WWOX: variants seen among roughly 807,000 people sequenced by gnomAD.
WWOX encodes WW domain containing oxidoreductase, also known as WW domain-containing oxidoreductase.
WWOX carries 69 observed loss-of-function variants against 46.2 expected under a neutral mutation model. That is an observed-to-expected ratio of 1.49 (90% CI 1.23 to 1.82). WWOX has a LOEUF of 1.82. WWOX is among the 40% of genes most tolerant of loss of function. WWOX has a pLI of 0.00. For missense variants in WWOX, 919 were observed against 542.6 expected (o/e 1.69, Z -6.89); for synonymous variants, 359 against 202.6 (o/e 1.77, Z -6.56).
intron 8 of WWOX, among the ~76,000 whole-genome samples, chr16:78,686,629 T>C (rs923181506): frequency 1.3e-4 from 20 of 152,136 alleles, no homozygotes; most frequent in African/African-American, 4.8e-4. Context: ...GGAACTCCTG[T>C]TTTAATTTGT....
chr16:78,131,472 C>A (rs9922778), intron 4 of WWOX, among the ~76,000 whole-genome samples: 71,489 of 151,828 alleles, frequency 0.47, 16,858 homozygotes, highest in African/African-American at 0.52. Flanking sequence ...GCCTCAGCCT[C>A]CCAAAGTACT....
At chr16:79,051,591 C>G (rs1424251007) in intron 8 of WWOX, among the ~76,000 whole-genome samples, 1 of 152,114 alleles carries the variant, frequency 6.6e-6, no homozygotes, top group East Asian at 1.9e-4. Context: ...GAGGGAGCGT[C>G]AACATTAGTG....
chr16:79,103,054 TG>T (rs1467121316), intron 8 of WWOX, among the ~76,000 whole-genome samples: 1 of 151,902 alleles, frequency 6.6e-6, no homozygotes, highest in Non-Finnish European at 1.5e-5. Flanking sequence ...CTTCTTGCTT[TG>T]GGCAAGTTCT....
At chr16:78,790,506 A>G (rs2050567694) in intron 8 of WWOX, among the ~76,000 whole-genome samples, 1 of 152,194 alleles carries the variant, frequency 6.6e-6, no homozygotes, top group South Asian at 2.1e-4. Flanking sequence ...GTCTACCTAC[A>G]ACTTTAAGAG....
chr16:79,152,335 G>C (rs758047202), intron 8 of WWOX, among the ~76,000 whole-genome samples: 13 of 152,254 alleles, frequency 8.5e-5, no homozygotes, highest in Non-Finnish European at 1.5e-4. Context: ...AGTGGAAGAG[G>C]AGTCTGGGGT....
At chr16:78,826,914 A>T (rs933862224) in intron 8 of WWOX, among the ~76,000 whole-genome samples, 14 of 152,122 alleles carry the variant, frequency 9.2e-5, no homozygotes, top group African/African-American at 3.1e-4. Context: ...CATTGATCAC[A>T]CACTACATGC....
At chr16:78,152,152 T>C (rs1037893484) in intron 4 of WWOX, among the ~76,000 whole-genome samples, 7 of 150,482 alleles carry the variant, frequency 4.7e-5, no homozygotes, top group Admixed American at 2.7e-4. Context: ...ATCGCGCCAC[T>C]GCACTCCAGC....
At chr16:78,773,939 G>C (rs2050126411) in intron 8 of WWOX, among the ~76,000 whole-genome samples, 1 of 152,152 alleles carries the variant, frequency 6.6e-6, no homozygotes, top group Non-Finnish European at 1.5e-5. Flanking sequence ...GGCCCTTCAT[G>C]GAATTTGAAA....
intron 8 of WWOX, among the ~76,000 whole-genome samples, chr16:78,576,038 C>G (rs927976576): frequency 1.3e-5 from 2 of 151,798 alleles, no homozygotes; most frequent in African/African-American, 2.4e-5. Flanking sequence ...TTTTTTTAAT[C>G]TAGAATATAT....
chr16:79,011,956 T>C (rs1267786197), intron 8 of WWOX, among the ~76,000 whole-genome samples: 1 of 152,230 alleles, frequency 6.6e-6, no homozygotes, highest in Non-Finnish European at 1.5e-5. Context: ...GCCTGGCCTC[T>C]GTCAACTTCC....
In WWOX at chr16:79,047,884, G is replaced by T. The variant is rs189960566; in HGVS notation, c.1057-163724G>T. ...AGAAATCTGACAACTCATTGATTCA[G>T]ATTCACAGACTCTGCATTTTGAACC... is the stretch of plus-strand genomic sequence containing the variant. On this transcript the variant is annotated intron_variant, in intron 8 of 8. Transcript: ENST00000566780. 1.6e-4 allele frequency among the ~76,000 whole-genome samples: 24 copies of T among 151,376 alleles called. No individual in the cohort carries two copies. In the East Asian group the frequency reaches 3.7e-3, roughly 23 times the overall value.
chr16:78,266,697 G>C (rs1175993512), intron 5 of WWOX, among the ~76,000 whole-genome samples: 1 of 151,884 alleles, frequency 6.6e-6, no homozygotes, highest in African/African-American at 2.4e-5. Context: ...GGGTTGTATG[G>C]AATGAACCAA....
At chr16:78,367,469 C>T (rs2081564500) in intron 5 of WWOX, among the ~76,000 whole-genome samples, 1 of 151,992 alleles carries the variant, frequency 6.6e-6, no homozygotes, top group African/African-American at 2.4e-5. Flanking sequence ...ATTTTATGCA[C>T]AGCCCAAGAT....
At chr16:78,756,153 C>G (rs545173065) in intron 8 of WWOX, among the ~76,000 whole-genome samples, 120 of 152,236 alleles carry the variant, frequency 7.9e-4, no homozygotes, top group African/African-American at 2.7e-3. Flanking sequence ...ATCCTAGAGA[C>G]TTGAATTTCT....
intron 8 of WWOX, among the ~76,000 whole-genome samples, chr16:78,998,570 G>A (rs1215100227): frequency 3.9e-5 from 6 of 152,164 alleles, no homozygotes; most frequent in African/African-American, 1.4e-4. Context: ...AGCTGTTAGA[G>A]GAGTTAATCG....
At chr16:78,245,790 A>T (rs1479170000) in intron 5 of WWOX, among the ~76,000 whole-genome samples, 1 of 152,164 alleles carries the variant, frequency 6.6e-6, no homozygotes, top group Non-Finnish European at 1.5e-5. Context: ...CGCAGACAAT[A>T]TTCTTCCTCG....
intron 8 of WWOX, among the ~76,000 whole-genome samples, chr16:78,866,305 C>T (rs1281860497): frequency 6.6e-6 from 1 of 152,128 alleles, no homozygotes; most frequent in East Asian, 1.9e-4. Context: ...GGTCAGATTT[C>T]AAGTGGTCAT....
chr16:78,126,752 G>T (rs1048616527), intron 4 of WWOX, among the ~76,000 whole-genome samples: 1 of 152,064 alleles, frequency 6.6e-6, no homozygotes, highest in Admixed American at 6.5e-5. Flanking sequence ...CAAATCAAAG[G>T]CACTGTTGCT....
At chr16:78,911,636 C>G (rs1417026489) in intron 8 of WWOX, among the ~76,000 whole-genome samples, 1 of 151,996 alleles carries the variant, frequency 6.6e-6, no homozygotes, top group East Asian at 1.9e-4. Context: ...GAAGCTGAGA[C>G]AGGCAGATCA....
Sources: allele counts gnomAD v4.1 joint callset (sites outside exome capture counted in the v4.1 genomes callset), GRCh38; gene constraint gnomAD v4.1.1; transcripts MANE v1.5; gene names NCBI Gene and HGNC (gene_info 2026-07-23, HGNC 2026-07-21).